Variants in SPOCK3 observed in about 807,000 individuals in gnomAD.
SPOCK3 encodes the protein SPARC (osteonectin), cwcv and kazal like domains proteoglycan 3.
In SPOCK3, 30 loss-of-function variants were observed where a neutral mutation model predicts 56.6. The observed-to-expected ratio is 0.53, with a 90% confidence interval of 0.40 to 0.72. The LOEUF (loss-of-function observed/expected upper bound fraction) is 0.72, where lower values mean the gene tolerates loss of function less well. Among genes scored for constraint, SPOCK3 ranks in the 30% least tolerant of loss-of-function variants. The pLI is 0.00. For missense variants in SPOCK3, 527 were observed against 530.0 expected, an observed-to-expected ratio of 0.99 and a Z score of 0.06; for synonymous variants, 196 against 183.3, an observed-to-expected ratio of 1.07 and a Z score of -0.56.
At position 166,733,647 on chromosome 4, in the gene SPOCK3, TAA is replaced by T. The variant is rs1733954563; in HGVS notation, c.*1272_*1273del. On this transcript the variant is annotated 3_prime_UTR_variant, in exon 11 of 11. Coordinates refer to ENST00000357545, the MANE Select transcript of SPOCK3 (RefSeq NM_001040159.2). ...CACAAAACCATTGGTATGATATAGT[TAA>T]AAGTGATGGTGTGCCAAAATGTCTA... 6.6e-6 allele frequency: 1 copy of T among 152,216 alleles called. No homozygotes were observed. The highest frequency in any genetic ancestry group is 2.1e-4 in the South Asian group (1 of 4,834). 9.4% of individuals were successfully genotyped at this position (152,216 alleles called of 1,614,324 possible). A position where few individuals can be genotyped will look rare whatever the true frequency, so the allele number is the denominator to read the frequency against.
At chr4:166,955,263 C>T (rs1743267489) in intron 4 of SPOCK3, among the ~76,000 whole-genome samples, 1 of 151,052 alleles carries the variant, frequency 6.6e-6, no homozygotes, top group African/African-American at 2.4e-5. Flanking sequence ...TGTCATAATA[C>T]ATATATTTAT....
chr4:167,067,271 C>G (rs1195106953), intron 2 of SPOCK3, among the ~76,000 whole-genome samples: 1 of 151,874 alleles, frequency 6.6e-6, no homozygotes, highest in African/African-American at 2.4e-5. Flanking sequence ...AAGCACCACA[C>G]TTTTAAATAT....
At chr4:167,135,540 G>A (rs1036783003) in intron 2 of SPOCK3, among the ~76,000 whole-genome samples, 13 of 152,094 alleles carry the variant, frequency 8.5e-5, no homozygotes, top group Non-Finnish European at 1.8e-4. Context: ...AGCAGCCTAT[G>A]AACACTCTGA....
intron 2 of SPOCK3, among the ~76,000 whole-genome samples, chr4:167,184,770 G>A (rs12640384): frequency 1.3e-5 from 2 of 151,862 alleles, no homozygotes; most frequent in African/African-American, 4.8e-5. Context: ...TGGAAGCTGA[G>A]ACTCTGAAAG....
At chr4:167,180,482 A>T (rs1472619394) in intron 2 of SPOCK3, among the ~76,000 whole-genome samples, 1 of 152,222 alleles carries the variant, frequency 6.6e-6, no homozygotes. Flanking sequence ...GTGAGGAGAA[A>T]GGATAAAATT....
At chr4:166,804,738 T>A (rs1389808564) in intron 6 of SPOCK3, among the ~76,000 whole-genome samples, 1 of 152,164 alleles carries the variant, frequency 6.6e-6, no homozygotes, top group Non-Finnish European at 1.5e-5. Flanking sequence ...TGTACATGTT[T>A]CCTTTGTCCC....
intron 4 of SPOCK3, among the ~76,000 whole-genome samples, chr4:166,988,521 A>G (rs971001259): frequency 1.3e-5 from 2 of 152,178 alleles, no homozygotes; most frequent in African/African-American, 4.8e-5. Flanking sequence ...AAGCATATTC[A>G]TCTATAGTGA....
chr4:166,841,867 C>A (rs1747395834), intron 6 of SPOCK3, among the ~76,000 whole-genome samples: 1 of 152,158 alleles, frequency 6.6e-6, no homozygotes, highest in Non-Finnish European at 1.5e-5. Context: ...GCACTGACTT[C>A]AAGAATGAAG....
intron 8 of SPOCK3, among the ~76,000 whole-genome samples, chr4:166,745,616 A>G (rs1735510096): frequency 6.6e-6 from 1 of 152,206 alleles, no homozygotes; most frequent in Admixed American, 6.5e-5. Flanking sequence ...TCATAACGAT[A>G]GGATCAAATT....
chr4:166,866,980 A>T (rs1416859418), intron 6 of SPOCK3, among the ~76,000 whole-genome samples: 1 of 152,098 alleles, frequency 6.6e-6, no homozygotes, highest in Non-Finnish European at 1.5e-5. Flanking sequence ...AAATATAATC[A>T]TGAATACTTC....
intron 6 of SPOCK3, among the ~76,000 whole-genome samples, chr4:166,861,277 G>C (rs1347688874): frequency 6.6e-6 from 1 of 152,074 alleles, no homozygotes; most frequent in Non-Finnish European, 1.5e-5. Context: ...AAAAGAATAA[G>C]AGTCTTTCTC....
At chr4:166,747,451 C>A (rs1735784983) in intron 8 of SPOCK3, among the ~76,000 whole-genome samples, 1 of 152,160 alleles carries the variant, frequency 6.6e-6, no homozygotes, top group African/African-American at 2.4e-5. Context: ...ATGCTAAAAA[C>A]TCTCAATAAA....
chr4:166,791,287 G>A (rs575436801), intron 7 of SPOCK3, among the ~76,000 whole-genome samples: 49 of 152,276 alleles, frequency 3.2e-4, no homozygotes, highest in African/African-American at 1.1e-3. Context: ...GGAATCTACA[G>A]AGGATTATCT....
intron 2 of SPOCK3, among the ~76,000 whole-genome samples, chr4:167,085,477 T>C (rs1306629520): frequency 6.6e-6 from 1 of 152,170 alleles, no homozygotes; most frequent in Non-Finnish European, 1.5e-5. Context: ...TTGGTGACTT[T>C]GGAATCAAAC....
intron 8 of SPOCK3, among the ~76,000 whole-genome samples, chr4:166,749,786 T>G (rs1166532762): frequency 6.6e-6 from 1 of 152,140 alleles, no homozygotes; most frequent in Non-Finnish European, 1.5e-5. Flanking sequence ...GTCTCTTATA[T>G]TAAAGAATTA....
intron 8 of SPOCK3, among the ~76,000 whole-genome samples, chr4:166,743,063 C>T (rs62352806): frequency 0.24 from 36,611 of 151,862 alleles, 5,346 homozygotes; most frequent in African/African-American, 0.4. Context: ...GTCCTGAGAT[C>T]GATCCCCCTC....
chr4:166,776,006 G>A (rs1739488821), intron 7 of SPOCK3, among the ~76,000 whole-genome samples: 1 of 152,116 alleles, frequency 6.6e-6, no homozygotes, highest in Admixed American at 6.6e-5. Context: ...CTCAATAAAG[G>A]ATACAACACA....
chr4:166,854,370 T>C (rs1221643106), intron 6 of SPOCK3, among the ~76,000 whole-genome samples: 1 of 152,238 alleles, frequency 6.6e-6, no homozygotes, highest in East Asian at 1.9e-4. Flanking sequence ...TATTTTCAAT[T>C]GTCCAAATCC....
At chr4:167,098,060 T>C (rs989700288) in intron 2 of SPOCK3, among the ~76,000 whole-genome samples, 1 of 152,000 alleles carries the variant, frequency 6.6e-6, no homozygotes, top group Non-Finnish European at 1.5e-5. Context: ...CACCTTATCT[T>C]AGGTGTGACA....
Sources: gnomAD v4.1 joint callset for allele counts (sites outside exome capture counted in the v4.1 genomes callset) on GRCh38, gnomAD v4.1.1 for gene constraint, MANE v1.5 for transcripts, NCBI Gene and HGNC (gene_info 2026-07-23, HGNC 2026-07-21) for gene names.